MMRN1: variants seen among roughly 807,000 people sequenced by gnomAD.
MMRN1 encodes the protein multimerin 1.
Under a neutral mutation model 100.7 loss-of-function variants are expected in MMRN1, and 94 were observed. That is an observed-to-expected ratio of 0.93 (90% CI 0.79 to 1.11). The LOEUF (loss-of-function observed/expected upper bound fraction) is 1.11, where lower values mean the gene tolerates loss of function less well. Ranked by LOEUF, MMRN1 falls within the 50% of genes least tolerant of loss-of-function variation. The pLI is 0.00. For missense variants in MMRN1, 1,606 were observed against 1,439.1 expected, an observed-to-expected ratio of 1.12 and a Z score of -1.88; for synonymous variants, 575 against 505.0, an observed-to-expected ratio of 1.14 and a Z score of -1.86.
chr4:89,904,902 C>A (rs1029473034), intron 1 of MMRN1, among the ~76,000 whole-genome samples: 14 of 151,458 alleles, frequency 9.2e-5, no homozygotes, highest in South Asian at 2.1e-4. Context: ...GAATTTTTTC[C>A]CTGATTATTG....
chr4:89,883,990 G>C (rs1720877478), intron 1 of MMRN1, among the ~76,000 whole-genome samples: 1 of 152,002 alleles, frequency 6.6e-6, no homozygotes, highest in Admixed American at 6.6e-5. Flanking sequence ...TATTTAATAA[G>C]ATATTTTACC....
At chr4:89,931,384 T>G (rs1349415463) in intron 5 of MMRN1, among the ~76,000 whole-genome samples, 1 of 152,190 alleles carries the variant, frequency 6.6e-6, no homozygotes, top group Non-Finnish European at 1.5e-5. Flanking sequence ...GGAGCCTATT[T>G]TTTTAATCCT....
intron 6 of MMRN1, among the ~76,000 whole-genome samples, chr4:89,944,743 T>G (rs989942389): frequency 3.9e-5 from 6 of 152,178 alleles, no homozygotes; most frequent in Non-Finnish European, 5.9e-5. Context: ...TTACATTTGG[T>G]AAAATAATAA....
At chr4:89,893,564 T>G (rs552115616), upstream of MMRN1, among the ~76,000 whole-genome samples, 3 of 152,092 alleles carry the variant, frequency 2.0e-5, no homozygotes, top group Non-Finnish European at 4.4e-5. Context: ...TAAAATCTAA[T>G]AATAGTTTAA....
At position 89,936,163 on chromosome 4, in the gene MMRN1, A is replaced by G; in HGVS notation, c.2483A>G (p.Asn828Ser). ...TTCCAAAAGATGTATCAAATGTTCA[A>G]TGAAACCACTTCCCAAGTGAGAAAA... ...SNFQKMYQMFNETTSQVRKYQ... is the reference protein window; with the variant it reads ...SNFQKMYQMFSETTSQVRKYQ... Residue 828 changes from asparagine (N) to serine (S), a missense_variant, in exon 6 of 8, where the codon AAT becomes AGT. Asn to Ser is a conservative substitution (Grantham distance 46, BLOSUM62 1). Transcript: ENST00000264790. 6.2e-7 allele frequency: 1 copy of G among 1,612,512 alleles called. No homozygotes were observed. Among genetic ancestry groups the G allele is most frequent in the East Asian group, 2.2e-5 (1 of 44,786 alleles).
At chr4:89,885,748 T>C (rs1302981634) in intron 1 of MMRN1, among the ~76,000 whole-genome samples, 2 of 152,072 alleles carry the variant, frequency 1.3e-5, no homozygotes, top group Non-Finnish European at 2.9e-5. Context: ...TCTACTTTTA[T>C]TTTCTAACAG....
At chr4:89,920,445 G>T (rs558103353) in intron 3 of MMRN1, among the ~76,000 whole-genome samples, 1 of 151,996 alleles carries the variant, frequency 6.6e-6, no homozygotes, top group Non-Finnish European at 1.5e-5. Context: ...GCCTCTTTAG[G>T]GATCTTGTGT....
chr4:89,940,268 C>A (rs1205130673), intron 6 of MMRN1, among the ~76,000 whole-genome samples: 1 of 152,112 alleles, frequency 6.6e-6, no homozygotes, highest in African/African-American at 2.4e-5. Context: ...AGCATGTGCA[C>A]CTCCTGCTTG....
Position 89,895,505 on chromosome 4 carries a change from C to A in MMRN1, c.534C>A (p.Ala178=), listed in dbSNP as rs138255190. 1.2e-5 allele frequency: 20 copies of A among 1,613,650 alleles called. No individual in the cohort carries two copies. The highest frequency in any genetic ancestry group is 2.7e-5 in the African/African-American group (2 of 74,886). ...GCACTGGAGGCGTGGGAAATCGAGC[C>A]CCACGGGAAACATACCTCAGCCGGG... ...VGGTGGVGNR[A]PRETYLSRGD... The change falls in exon 1 of 8, where the codon GCC becomes GCA. Residue 178 remains alanine (A), a synonymous_variant. Transcript: ENST00000264790.
intron 3 of MMRN1, among the ~76,000 whole-genome samples, chr4:89,917,680 C>A (rs1341702127): frequency 1.3e-5 from 2 of 151,762 alleles, no homozygotes; most frequent in African/African-American, 4.8e-5. Flanking sequence ...AAATGATGTC[C>A]TTGTCAGAGA....
intron 1 of MMRN1, among the ~76,000 whole-genome samples, chr4:89,897,214 A>ATT (rs201158467): frequency 0.47 from 70,356 of 148,880 alleles, 16,559 homozygotes; most frequent in Admixed American, 0.49. Context: ...ATAGCTAAGA[A>ATT]TTTTTTTTTT....
chr4:89,879,869 A>C (rs1185209074), intron 1 of MMRN1, among the ~76,000 whole-genome samples: 1 of 152,154 alleles, frequency 6.6e-6, no homozygotes, highest in Non-Finnish European at 1.5e-5. Context: ...TATGTTGAAA[A>C]CTGTTATCAT....
chr4:89,906,308 G>T (rs984683491), intron 1 of MMRN1, among the ~76,000 whole-genome samples: 1 of 151,554 alleles, frequency 6.6e-6, no homozygotes, highest in Non-Finnish European at 1.5e-5. Flanking sequence ...TGTTCAACAA[G>T]CTAGGCATTT....
intron 7 of MMRN1, 94 bp from the exon 8 acceptor site, chr4:89,952,903 T>A (rs757787571): frequency 2.8e-5 from 36 of 1,278,084 alleles, no homozygotes; most frequent in Non-Finnish European, 3.8e-5. Flanking sequence ...CTGCTAAGAC[T>A]TTTTGTAACT....
At chr4:89,951,805 A>G (rs1317018255) in intron 7 of MMRN1, 54 bp downstream of exon 7, 11 of 1,559,886 alleles carry the variant, frequency 7.1e-6, no homozygotes, top group Non-Finnish European at 9.6e-6. Context: ...AAATAGAAAC[A>G]CGTTTTGAAA....
chr4:89,886,573 C>T (rs927970045), intron 1 of MMRN1, among the ~76,000 whole-genome samples: 6 of 152,018 alleles, frequency 3.9e-5, no homozygotes, highest in African/African-American at 1.2e-4. Context: ...TAATTTTGTT[C>T]GAATCTTCTA....
rs375898459 is a variant in MMRN1 at position 89,935,791 on chromosome 4, A to G, written c.2111A>G (p.Asn704Ser). 8 of 1,612,980 alleles carry G rather than the reference A, an allele frequency of 5.0e-6. No homozygotes were observed. In the African/African-American group the frequency reaches 1.1e-4, roughly 22 times the overall value. Residue 704 changes from asparagine to serine, a missense_variant, in exon 6 of 8, where the codon AAT (asparagine) becomes AGT (serine). Asn to Ser is a conservative substitution (Grantham distance 46, BLOSUM62 1). Transcript: ENST00000264790. The stretch of plus-strand genomic sequence containing the variant: ...ACAAAAAGACACAACTTACTTAGAA[A>G]TGAAGTACAGGGTCGTGATGATGCC... ...ELTKRHNLLR[N>S]EVQGRDDALE...
In MMRN1 at chr4:89,932,651, G is replaced by T. The variant is rs953787847; in HGVS notation, c.1130-2159G>T. On this transcript the variant is annotated intron_variant, in intron 5 of 7. Transcript: ENST00000264790. ...GCCCAACACCACATGTAAGCCACAG[G>T]CTTGGGGCTTGCACCCTCTGAAACA... 4.6e-5 allele frequency among the ~76,000 whole-genome samples: 7 copies of T among 152,262 alleles called. No homozygotes were observed. In the East Asian group the frequency reaches 1.2e-3, roughly 25 times the overall value.
chr4:89,897,577 A>G (rs1199845911), intron 1 of MMRN1, among the ~76,000 whole-genome samples: 1 of 152,192 alleles, frequency 6.6e-6, no homozygotes, highest in Non-Finnish European at 1.5e-5. Flanking sequence ...AATAGCATTT[A>G]AATTTTACAT....
Sources: gnomAD v4.1 joint callset for allele counts (sites outside exome capture counted in the v4.1 genomes callset) on GRCh38, gnomAD v4.1.1 for gene constraint, MANE v1.5 for transcripts, NCBI Gene and HGNC (gene_info 2026-07-23, HGNC 2026-07-21) for gene names.